TRIM5: variants seen among roughly 807,000 people sequenced by gnomAD.
TRIM5 encodes the protein tripartite motif-containing protein 5.
Under a neutral mutation model 35.6 loss-of-function variants are expected in TRIM5, and 31 were observed. The ratio of observed to expected loss-of-function variants is 0.87; its 90% CI spans 0.65 to 1.18. The LOEUF (loss-of-function observed/expected upper bound fraction) is 1.18. TRIM5 is among the 50% of genes most tolerant of loss of function. The pLI is 0.00. For synonymous variants in TRIM5, 243 were observed against 215.6 expected, an observed-to-expected ratio of 1.13 and a Z score of -1.11; for missense variants, 609 against 591.6, an observed-to-expected ratio of 1.03 and a Z score of -0.31.
chr11:5,652,683 T>G, the TRIM5 span, among the ~76,000 whole-genome samples: 2 of 152,176 alleles, frequency 1.3e-5, no homozygotes, highest in African/African-American at 2.4e-5. Flanking sequence ...TTAGAATAGT[T>G]TTTTTCTAGT....
downstream of TRIM5, among the ~76,000 whole-genome samples, chr11:5,660,765 G>A (rs111933008): frequency 7.0e-3 from 1,064 of 151,932 alleles, 6 homozygotes; most frequent in African/African-American, 0.024. Context: ...TAGATAGGCC[G>A]GGCGCAGTGG....
Position 5,663,451 on chromosome 11 carries a change from C to T in TRIM5, c.*1358G>A. ...CTAAAAAATGAGAATTTAGTAAATC[C>T]AATCCTAGTTTCCCTGAAGGCACAA... On this transcript the variant is annotated 3_prime_UTR_variant, in exon 8 of 8. Coordinates refer to ENST00000380034, the MANE Select transcript of TRIM5 (RefSeq NM_033034.3). The T allele has an allele frequency of 1.0e-6, 1 of 985,194 alleles. No individual in the cohort carries two copies. Among genetic ancestry groups the T allele is most frequent in the African/African-American group, 1.7e-5 (1 of 57,314 alleles). The allele number at this position is 985,194 out of a possible 1,614,324, so 61.0% of individuals were successfully genotyped here.
the TRIM5 span, among the ~76,000 whole-genome samples, chr11:5,634,096 G>A: frequency 6.6e-6 from 1 of 152,182 alleles, no homozygotes; most frequent in African/African-American, 2.4e-5. Flanking sequence ...ACCTGGAACT[G>A]AGCACAAAGA....
intron 1 of TRIM5, among the ~76,000 whole-genome samples, chr11:5,682,855 G>A (rs1215019663): frequency 1.4e-5 from 2 of 146,462 alleles, no homozygotes; most frequent in Admixed American, 1.3e-4. Flanking sequence ...GGCACTTGAG[G>A]AGCTCTTCAG....
chr11:5,640,928 G>T, the TRIM5 span, among the ~76,000 whole-genome samples: 1 of 70,522 alleles, frequency 1.4e-5, no homozygotes, highest in Non-Finnish European at 3.0e-5. Flanking sequence ...CTAATTTGTT[G>T]GCATACAGTT....
the TRIM5 span, chr11:5,619,678 C>A: frequency 2.1e-5 from 3 of 145,512 alleles, no homozygotes; most frequent in African/African-American, 5.2e-5. Flanking sequence ...TCAGGCAACT[C>A]CTGTTTTAAA....
chr11:5,610,436 A>AAT, the TRIM5 span: 2 of 1,604,784 alleles, frequency 1.2e-6, no homozygotes, highest in Non-Finnish European at 1.7e-6. Flanking sequence ...ACATCCTCAC[A>AAT]GGATTCCTCA....
At chr11:5,626,809 G>C in the TRIM5 span, 5,099 of 151,588 alleles carry the variant, frequency 0.034, 132 homozygotes, top group Non-Finnish European at 0.049. Context: ...TTGAACCCAG[G>C]AGGTGGAGGT....
intron 4 of TRIM5, among the ~76,000 whole-genome samples, chr11:5,670,259 G>C (rs1244545528): frequency 3.7e-5 from 5 of 133,988 alleles, no homozygotes; most frequent in Admixed American, 8.6e-5. Flanking sequence ...CTCACTGCAA[G>C]CTCTGCCTCC....
At chr11:5,672,626 T>C (rs1400282718) in intron 4 of TRIM5, among the ~76,000 whole-genome samples, 2 of 152,180 alleles carry the variant, frequency 1.3e-5, no homozygotes, top group Non-Finnish European at 2.9e-5. Flanking sequence ...GGAAATACTA[T>C]AAAATGTGAG....
At chr11:5,616,076 G>C in the TRIM5 span, among the ~76,000 whole-genome samples, 23,573 of 149,548 alleles carry the variant, frequency 0.16, 1,905 homozygotes, top group East Asian at 0.29. Context: ...TCAGCCTCCC[G>C]AGTAGCTGGG....
At chr11:5,678,111 T>C (rs1397671155) in intron 4 of TRIM5, 93 bp downstream of exon 4, 4 of 1,079,318 alleles carry the variant, frequency 3.7e-6, no homozygotes, top group East Asian at 2.7e-5. Context: ...GCAGAGAACA[T>C]TGTTAATATT....
chr11:5,595,818 G>T, the TRIM5 span, among the ~76,000 whole-genome samples: 2 of 150,934 alleles, frequency 1.3e-5, no homozygotes, highest in East Asian at 3.9e-4. Flanking sequence ...TCAGCCTCCC[G>T]AGTAGCTAGG....
chr11:5,642,695 T>C, the TRIM5 span: 1 of 1,293,768 alleles, frequency 7.7e-7, no homozygotes, highest in Non-Finnish European at 1.1e-6. Context: ...TTTATCTTTT[T>C]AATTCACTAG....
chr11:5,603,304 G>A, the TRIM5 span: 1 of 1,614,134 alleles, frequency 6.2e-7, no homozygotes, highest in Non-Finnish European at 8.5e-7. Context: ...AGCCAGGAGA[G>A]TAGCTACAAT....
At chr11:5,615,577 GTT>G in the TRIM5 span, among the ~76,000 whole-genome samples, 1 of 109,474 alleles carries the variant, frequency 9.1e-6, no homozygotes, top group African/African-American at 3.6e-5. Context: ...CTTGTTTTTT[GTT>G]TTTTTTTTGT....
In TRIM5 at chr11:5,679,928, T is replaced by C. The variant is rs765593816; in HGVS notation, c.250A>G (p.Lys84Glu). 3.1e-6 allele frequency: 5 copies of C among 1,614,076 alleles called. No individual in the cohort carries two copies. Among genetic ancestry groups the C allele is most frequent in the Non-Finnish European group, 3.4e-6 (4 of 1,180,018 alleles). ...ACTTTCTGCCCCTCTGGGCTCAACT[T>C]GACCTCCCTGAGCTTCTCCACTATG... The part of the protein sequence containing the change: ...ANIVEKLREV[K>E]LSPEGQKVDH... The change falls in exon 2 of 8, where the codon AAG becomes GAG. Residue 84 changes from lysine to glutamate, a missense_variant. Coordinates refer to ENST00000380034, the MANE Select transcript of TRIM5 (RefSeq NM_033034.3).
chr11:5,642,299 G>A, the TRIM5 span: 1 of 969,136 alleles, frequency 1.0e-6, no homozygotes, highest in Non-Finnish European at 1.5e-6. Context: ...GGCTCAGGGA[G>A]AAGGGTTCAA....
At chr11:5,634,631 T>C in the TRIM5 span, 2 of 1,610,628 alleles carry the variant, frequency 1.2e-6, no homozygotes, top group South Asian at 2.2e-5. Context: ...ATCCTTGCAG[T>C]ATCAGGTACA....
Sources: gnomAD v4.1 joint callset for allele counts (sites outside exome capture counted in the v4.1 genomes callset) on GRCh38, gnomAD v4.1.1 for gene constraint, MANE v1.5 for transcripts, NCBI Gene and HGNC (gene_info 2026-07-23, HGNC 2026-07-21) for gene names.